ADGRV1: variants seen among roughly 807,000 people sequenced by gnomAD.
ADGRV1 encodes adhesion G protein-coupled receptor V1.
A neutral mutation model predicts 596.2 loss-of-function variants in ADGRV1; 359 were observed. The ratio of observed to expected loss-of-function variants is 0.60; its 90% CI spans 0.55 to 0.66. The LOEUF (loss-of-function observed/expected upper bound fraction) is 0.66. Among genes scored for constraint, ADGRV1 ranks in the 30% least tolerant of loss-of-function variants. ADGRV1 has a pLI of 0.00. For missense variants in ADGRV1, 7,274 were observed against 7,575.6 expected (o/e 0.96, Z 1.48); for synonymous variants, 2,681 against 2,679.2 (o/e 1.00, Z -0.02).
At chr5:90,873,270 G>A (rs947031314) in intron 83 of ADGRV1, among the ~76,000 whole-genome samples, 2 of 152,138 alleles carry the variant, frequency 1.3e-5, no homozygotes, top group African/African-American at 4.8e-5. Context: ...ACCATCTTTC[G>A]GGAACATACA....
At chr5:91,080,084 A>G (rs1490337240) in intron 86 of ADGRV1, among the ~76,000 whole-genome samples, 3 of 152,122 alleles carry the variant, frequency 2.0e-5, no homozygotes, top group Non-Finnish European at 4.4e-5. Flanking sequence ...GTACATATTT[A>G]TGGGGTACAT....
intron 60 of ADGRV1, among the ~76,000 whole-genome samples, chr5:90,775,864 T>C (rs1228111035): frequency 1.3e-5 from 2 of 152,196 alleles, no homozygotes; most frequent in African/African-American, 4.8e-5. Context: ...AGTGAGAGTA[T>C]AGTGATACAG....
rs993126254 is a variant in ADGRV1 at position 91,103,842 on chromosome 5, C to T, written c.18432+1502C>T. ...TATGGTTAGAGATGGGAATTTCAGGCAGAGAAAACTGTTAGCCAAGGCTGC... is the reference window on the plus strand; with the variant it reads ...TATGGTTAGAGATGGGAATTTCAGGTAGAGAAAACTGTTAGCCAAGGCTGC... On this transcript the variant is annotated intron_variant, in intron 87 of 89. Coordinates refer to ENST00000405460, the MANE Select transcript of ADGRV1 (RefSeq NM_032119.4). 3.3e-5 allele frequency among the ~76,000 whole-genome samples: 5 copies of T among 151,962 alleles called. 1 individual carries two copies. The South Asian group carries it at 1.0e-3, about 32-fold the overall frequency.
intron 85 of ADGRV1, among the ~76,000 whole-genome samples, chr5:91,035,861 T>TAAAATATATATATATATATATAATA: frequency 1.0e-5 from 1 of 96,402 alleles, no homozygotes; most frequent in African/African-American, 3.8e-5. Flanking sequence ...TATATATATA[T>TAAAATATATATATATATATATAATA]TATATATATA....
intron 83 of ADGRV1, among the ~76,000 whole-genome samples, chr5:90,907,607 G>A (rs572587359): frequency 6.6e-6 from 1 of 151,642 alleles, no homozygotes; most frequent in Non-Finnish European, 1.5e-5. Flanking sequence ...TGCCAACTGT[G>A]ATTTCTCCCA....
Position 90,989,167 on chromosome 5 carries a change from C to G in ADGRV1, c.18152+3645C>G, listed in dbSNP as rs374400475. Among the ~76,000 whole-genome samples the G allele has an allele frequency of 7.4e-3, 1,116 of 151,718 alleles. 10 individuals carry two copies. Among genetic ancestry groups the G allele is most frequent in the African/African-American group, 0.025 (1,031 of 41,156 alleles). The stretch of plus-strand genomic sequence containing the variant: ...TTGGGTATATACCCAGTAATGGGAT[C>G]GCTGGGTCAAATGGTATTTCTAGTT... On this transcript the variant is annotated intron_variant, in intron 85 of 89. Coordinates refer to ENST00000405460, the MANE Select transcript of ADGRV1 (RefSeq NM_032119.4).
intron 35 of ADGRV1, 46 bp from the exon 36 acceptor site, chr5:90,704,343 A>G: frequency 8.9e-7 from 1 of 1,124,030 alleles, no homozygotes; most frequent in Middle Eastern, 2.0e-4. Flanking sequence ...GAGATAGTTC[A>G]TATTCAATAA....
At chr5:90,735,947 C>G (rs1250622233) in intron 50 of ADGRV1, among the ~76,000 whole-genome samples, 2 of 152,062 alleles carry the variant, frequency 1.3e-5, no homozygotes, top group African/African-American at 2.4e-5. Context: ...TCTTCCATTC[C>G]TATTTAGGTA....
chr5:91,072,283 C>G (rs1227286096), intron 85 of ADGRV1, among the ~76,000 whole-genome samples, 164 bp from the exon 86 acceptor site: 4 of 152,104 alleles, frequency 2.6e-5, no homozygotes, highest in African/African-American at 4.8e-5. Context: ...TAGATTTAAT[C>G]AGATGTTGTA....
At chr5:90,758,194 G>A (rs1301221380) in intron 57 of ADGRV1, among the ~76,000 whole-genome samples, 2 of 152,154 alleles carry the variant, frequency 1.3e-5, no homozygotes, top group African/African-American at 2.4e-5. Context: ...TTAGCCGGGC[G>A]TGGTGGCGGG....
At chr5:90,904,890 T>C (rs951405265) in intron 83 of ADGRV1, among the ~76,000 whole-genome samples, 1 of 144,734 alleles carries the variant, frequency 6.9e-6, no homozygotes, top group Admixed American at 6.7e-5. Context: ...AAGTCTTTAA[T>C]CCATTTTGAT....
chr5:90,982,120 C>T (rs935253195), intron 84 of ADGRV1, among the ~76,000 whole-genome samples: 1 of 152,176 alleles, frequency 6.6e-6, no homozygotes, highest in Non-Finnish European at 1.5e-5. Context: ...AATCATCTCA[C>T]TTGTTCTTAT....
intron 89 of ADGRV1, 41 bp downstream of exon 89, chr5:91,153,439 T>C (rs1394021779): frequency 7.2e-7 from 1 of 1,390,696 alleles, no homozygotes; most frequent in South Asian, 1.5e-5. Flanking sequence ...GTAGGCACTC[T>C]TGCTATGTTA....
intron 16 of ADGRV1, 27 bp from the exon 17 acceptor site, chr5:90,647,469 CAT>C: frequency 1.3e-6 from 2 of 1,583,692 alleles, no homozygotes; most frequent in Non-Finnish European, 8.6e-7. Context: ...CAGAAAAGCT[CAT>C]GTGTTCTTTC....
At chr5:90,783,694 G>GCTAAGCACC (rs1759108265) in intron 66 of ADGRV1, 144 bp from the exon 67 acceptor site, 1 of 628,306 alleles carries the variant, frequency 1.6e-6, no homozygotes, top group African/African-American at 1.8e-5. Context: ...CATTCTTTTA[G>GCTAAGCACC]CTAAGCACCC....
chr5:90,772,924 T>G (rs1283322368), intron 59 of ADGRV1, among the ~76,000 whole-genome samples: 2 of 152,178 alleles, frequency 1.3e-5, no homozygotes, highest in Non-Finnish European at 2.9e-5. Context: ...CCCAGCATTT[T>G]GGGAAGCCAG....
At chr5:90,823,399 G>T (rs1417060749) in intron 75 of ADGRV1, 26 bp from the exon 76 acceptor site, 1 of 1,610,196 alleles carries the variant, frequency 6.2e-7, no homozygotes, top group East Asian at 2.2e-5. Flanking sequence ...CCTCTGTTAA[G>T]GCATTGGTGG....
At chr5:90,914,852 T>A (rs1038795157) in intron 83 of ADGRV1, among the ~76,000 whole-genome samples, 4 of 152,188 alleles carry the variant, frequency 2.6e-5, no homozygotes, top group Non-Finnish European at 5.9e-5. Context: ...GGAATATATG[T>A]TAATTGCCTT....
Position 90,692,758 on chromosome 5 carries a change from TCC to T in ADGRV1, c.7106_7107del (p.Ser2369LeufsTer3). 1 of 1,603,572 alleles carries T rather than the reference TCC, an allele frequency of 6.2e-7. No homozygotes were observed. The highest frequency in any genetic ancestry group is 8.5e-7 in the Non-Finnish European group (1 of 1,174,888). ...YRVQEPLERSSCANITVRRSG... is the reference protein window; with the variant it reads ...YRVQEPLERSXCANITVRRSG... Reference sequence around the variant, plus strand: ...TGTTCAAGAGCCTCTGGAAAGAAGTTCCTGTGCTAATATAACTGTCAGGCGAA... The same window carrying T: ...TGTTCAAGAGCCTCTGGAAAGAAGTTTGTGCTAATATAACTGTCAGGCGAA... On this transcript the variant is annotated frameshift_variant, in exon 32 of 90. Coordinates refer to ENST00000405460, the MANE Select transcript of ADGRV1 (RefSeq NM_032119.4). LOFTEE classifies it high-confidence loss of function.
Sources: gnomAD v4.1 joint callset for allele counts (sites outside exome capture counted in the v4.1 genomes callset) on GRCh38, gnomAD v4.1.1 for gene constraint, MANE v1.5 for transcripts, NCBI Gene and HGNC (gene_info 2026-07-23, HGNC 2026-07-21) for gene names.